RNF213: variants seen among roughly 807,000 people sequenced by gnomAD.
RNF213 encodes the protein ring finger protein 213.
A neutral mutation model predicts 514.4 loss-of-function variants in RNF213; 341 were observed. The observed-to-expected ratio is 0.66, with a 90% CI of 0.61 to 0.73. The LOEUF (loss-of-function observed/expected upper bound fraction) is 0.73. Ranked by LOEUF, RNF213 falls within the 30% of genes least tolerant of loss-of-function variation. RNF213 has a pLI of 0.00. For synonymous variants in RNF213, 2,655 were observed against 2,658.2 expected, an observed-to-expected ratio of 1.00 and a Z score of 0.04; for missense variants, 5,767 against 6,615.6, an observed-to-expected ratio of 0.87 and a Z score of 4.45.
Position 80,327,920 on chromosome 17 carries a change from A to G in RNF213, c.3298A>G (p.Thr1100Ala), listed in dbSNP as rs1323726821. ...AGTTGTTGGTGACCTCCTAAGTGGC[A>G]CGATTTTAGTTGGACAACTGGAGCT... ...TKVVGDLLSG[T>A]ILVGQLELII... The change falls in exon 19 of 68, where the codon ACG becomes GCG. Residue 1100 changes from threonine (T) to alanine (A), a missense_variant. Physicochemically the swap from Thr to Ala is moderately conservative, Grantham distance 58. This residue lies in a region of RNF213 where 516 missense variants were observed against 566.5 expected (regional missense o/e 0.91). Coordinates refer to ENST00000582970, the MANE Select transcript of RNF213 (RefSeq NM_001256071.3). 1.3e-6 allele frequency: 2 copies of G among 1,537,152 alleles called. No individual in the cohort carries two copies. Among genetic ancestry groups the G allele is most frequent in the Non-Finnish European group, 1.7e-6 (2 of 1,146,924 alleles).
In RNF213 at chr17:80,290,646, C is replaced by G. The variant is rs560234620; in HGVS notation, c.1189C>G (p.Leu397Val). The change falls in exon 7 of 68, where the codon CTC becomes GTC. Residue 397 changes from leucine to valine, a missense_variant. Leu to Val is a conservative substitution (Grantham distance 32). Around this residue, in one of 13 missense-constraint regions of RNF213, gnomAD observed 509 missense variants for 496.7 expected, o/e 1.02. Transcript: ENST00000582970. ...TCTTCATTTCCCATTCAATCCTGACCTCCATAAAGTCTTCATCAGAGGAGG... is the reference window on the plus strand; with the variant it reads ...TCTTCATTTCCCATTCAATCCTGACGTCCATAAAGTCTTCATCAGAGGAGG... ...ISLHFPFNPD[L>V]HKVFIRGGEE... 1.4e-5 allele frequency: 23 copies of G among 1,614,154 alleles called. No homozygotes were observed. Among genetic ancestry groups the G allele is most frequent in the Non-Finnish European group, 1.9e-5 (23 of 1,180,034 alleles).
At chr17:80,378,348 T>C (rs2079847177) in intron 54 of RNF213, among the ~76,000 whole-genome samples, 1 of 152,144 alleles carries the variant, frequency 6.6e-6, no homozygotes, top group African/African-American at 2.4e-5. Context: ...TGTTGATTAT[T>C]CCTCTCTGGA....
intron 50 of RNF213, chr17:80,374,828 T>C (rs2079681002): frequency 3.8e-6 from 2 of 524,612 alleles, no homozygotes; most frequent in East Asian, 3.5e-5. Flanking sequence ...TGCTGTGTCT[T>C]GCTGATCTGC....
In RNF213 at chr17:80,343,276, C is replaced by T. The variant is rs376351745; in HGVS notation, c.6134C>T (p.Ala2045Val). ...VLGALLPFLD[A>V]QYQKVPVLFH... is the part of the protein sequence containing the mutation. The stretch of plus-strand genomic sequence containing the variant: ...GGCGCCCTGCTGCCCTTCCTGGATG[C>T]GCAGTATCAGAAGGTCCCCGTGCTC... Residue 2045 changes from alanine to valine, a missense_variant, in exon 27 of 68, where the codon GCG becomes GTG. Ala to Val is a moderately conservative substitution (Grantham distance 64). Transcript: ENST00000582970. This position sits in a 1 kb window ranked among gnomAD's most constrained non-coding sequence, Gnocchi z 4.3. 16 of 1,613,630 alleles carry T rather than the reference C, an allele frequency of 9.9e-6. No individual in the cohort carries two copies. Among genetic ancestry groups the T allele is most frequent in the Admixed American group, 8.3e-5 (5 of 60,008 alleles).
intron 29 of RNF213, among the ~76,000 whole-genome samples, chr17:80,349,438 T>G (rs2078425198): frequency 6.6e-6 from 1 of 152,102 alleles, no homozygotes; most frequent in Non-Finnish European, 1.5e-5. Flanking sequence ...AGTCGTACTA[T>G]AACAGGAAAT....
intron 3 of RNF213, chr17:80,278,744 A>C (rs930627019): frequency 4.7e-5 from 72 of 1,536,936 alleles, no homozygotes; most frequent in Non-Finnish European, 6.1e-5. Flanking sequence ...CCCTGTCTGA[A>C]GGGGGTCGTG....
intron 17 of RNF213, chr17:80,320,222 G>A (rs1344162753): frequency 1.9e-5 from 3 of 157,276 alleles, no homozygotes; most frequent in African/African-American, 7.2e-5. Context: ...ATAAACAATT[G>A]CTGAACATAA....
chr17:80,294,603 C>T, intron 8 of RNF213, 117 bp from the exon 9 acceptor site: 1 of 1,287,282 alleles, frequency 7.8e-7, no homozygotes, highest in South Asian at 1.2e-5. Context: ...TTCCTCCCTT[C>T]CTCTGCCCCA....
chr17:80,313,161 A>G lies in RNF213; in HGVS notation c.2805A>G (p.Glu935=). ...GTGCCTCATTCACATACGTCAAGGAAATTGAGGTAGGCATTTGGCCGAAGG... is the reference window on the plus strand; with the variant it reads ...GTGCCTCATTCACATACGTCAAGGAGATTGAGGTAGGCATTTGGCCGAAGG... ...SSGASFTYVK[E]IEVWRRLVEI... Residue 935 remains glutamate (E), a synonymous_variant, in exon 15 of 68, where the codon GAA becomes GAG. Coordinates refer to ENST00000582970, the MANE Select transcript of RNF213 (RefSeq NM_001256071.3). 1 of 1,614,074 alleles carries G rather than the reference A, an allele frequency of 6.2e-7. No individual in the cohort carries two copies. Among genetic ancestry groups the G allele is most frequent in the Non-Finnish European group, 8.5e-7 (1 of 1,180,022 alleles).
intron 61 of RNF213, among the ~76,000 whole-genome samples, chr17:80,385,991 C>G (rs2080220504): frequency 6.6e-6 from 1 of 152,196 alleles, no homozygotes; most frequent in African/African-American, 2.4e-5. Context: ...TAACTTGTGT[C>G]TCTTTTGATG....
At chr17:80,350,241 T>G in intron 30 of RNF213, 60 bp from the exon 31 acceptor site, 1 of 1,088,086 alleles carries the variant, frequency 9.2e-7, no homozygotes, top group Non-Finnish European at 1.4e-6. Context: ...CTTTGGGGAA[T>G]TTTCTTTTCC....
At chr17:80,272,728 C>G (rs2043866980) in intron 2 of RNF213, among the ~76,000 whole-genome samples, 1 of 152,118 alleles carries the variant, frequency 6.6e-6, no homozygotes, top group Non-Finnish European at 1.5e-5. Flanking sequence ...AGTGGGTGCT[C>G]CATGCTGTCT....
At position 80,288,151 on chromosome 17, in the gene RNF213, A is replaced by T; in HGVS notation, c.598A>T (p.Thr200Ser). 1.2e-6 allele frequency: 2 copies of T among 1,610,516 alleles called. No individual in the cohort carries two copies. Among genetic ancestry groups the T allele is most frequent in the Non-Finnish European group, 1.7e-6 (2 of 1,177,800 alleles). The stretch of plus-strand genomic sequence containing the variant: ...GAGCAGCCCGCAATTCCAGGACCAC[A>T]CGGAAGGGGAGGACCAGGACGCTTC... ...AQSSPQFQDH[T>S]EGEDQDASIP... The change falls in exon 4 of 68, where the codon ACG becomes TCG. Residue 200 changes from threonine (T) to serine (S), a missense_variant. Transcript: ENST00000582970. The surrounding 1 kb of genome is among the most constrained non-coding windows in gnomAD (Gnocchi z 4.9).
At position 80,363,188 on chromosome 17, in the gene RNF213, G is replaced by T. The variant is rs531161453; in HGVS notation, c.11442G>T (p.Val3814=). 20 of 1,614,244 alleles carry T rather than the reference G, an allele frequency of 1.2e-5. No individual in the cohort carries two copies. The South Asian group carries it at 2.2e-4, about 18-fold the overall frequency. ...APEEEVSLPW[V]HLAYQRFRSR... The stretch of plus-strand genomic sequence containing the variant: ...AGGAAGAGGTTTCCTTACCGTGGGT[G>T]CACCTTGCCTACCAGCGTTTCAGAA... The change falls in exon 40 of 68, where the codon GTG becomes GTT. Residue 3814 remains valine (V), a synonymous_variant. Transcript: ENST00000582970.
intron 21 of RNF213, among the ~76,000 whole-genome samples, chr17:80,333,356 G>A (rs1202224642): frequency 2.7e-5 from 4 of 148,140 alleles, no homozygotes; most frequent in South Asian, 2.4e-4. Flanking sequence ...CACCGTGCCC[G>A]GCTGAGTCTT....
chr17:80,310,455 G>T (rs142349792), intron 14 of RNF213, among the ~76,000 whole-genome samples: 2,624 of 151,842 alleles, frequency 0.017, 86 homozygotes, highest in African/African-American at 0.059. Flanking sequence ...GTTTCACCAT[G>T]TTGGCCAAGC....
chr17:80,389,809 A>C lies in RNF213; in HGVS notation c.15196-19A>C. On this transcript the variant is annotated intron_variant, in intron 65 of 67. Coordinates refer to ENST00000582970, the MANE Select transcript of RNF213 (RefSeq NM_001256071.3). ...TGTGAGACCTCAGCCCCCACTCAGG[A>C]ATTCTATTCCTTCTGCAGGCCTTAA... 1 of 1,607,208 alleles carries C rather than the reference A, an allele frequency of 6.2e-7. No homozygotes were observed. The highest frequency in any genetic ancestry group is 8.5e-7 in the Non-Finnish European group (1 of 1,174,464).
rs1412743533 is a variant in RNF213 at position 80,374,495 on chromosome 17, A to AC, written c.12982dup (p.Leu4328ProfsTer6). 1 of 1,614,180 alleles carries AC rather than the reference A, an allele frequency of 6.2e-7. No individual in the cohort carries two copies. The highest frequency in any genetic ancestry group is 2.2e-5 in the East Asian group (1 of 44,888). ...GACCACCCAGGCCAGATGGATAGGT[A>AC]CCTGGTGTACGGCGATGAATACAAG... is the stretch of plus-strand genomic sequence containing the variant. On this transcript the variant is annotated frameshift_variant, in exon 50 of 68. Coordinates refer to ENST00000582970, the MANE Select transcript of RNF213 (RefSeq NM_001256071.3). LOFTEE classifies it high-confidence loss of function.
At position 80,381,537 on chromosome 17, in the gene RNF213, G is replaced by T. The variant is rs759092504; in HGVS notation, c.13798-10G>T. The T allele has an allele frequency of 3.7e-6, 6 of 1,613,874 alleles. No homozygotes were observed. Among genetic ancestry groups the T allele is most frequent in the Non-Finnish European group, 5.1e-6 (6 of 1,179,866 alleles). ...TCCCCGCTGAACACTCTGTTCCGTT[G>T]CCCCCACAGGCTCTGATAAACATCA... On this transcript the variant is annotated splice_polypyrimidine_tract_variant and intron_variant, in intron 56 of 67. Transcript: ENST00000582970.
Sources: allele counts gnomAD v4.1 joint callset (sites outside exome capture counted in the v4.1 genomes callset), GRCh38; gene constraint gnomAD v4.1.1; regional missense constraint gnomAD v4.1.1; non-coding constraint Gnocchi (gnomAD v3.1); transcripts MANE v1.5; gene names NCBI Gene and HGNC (gene_info 2026-07-23, HGNC 2026-07-21).